The following GRM1 variants were observed in gnomAD, a reference collection of about 807,000 sequenced individuals.
GRM1 encodes the protein metabotropic glutamate receptor 1.
GRM1 carries 33 observed loss-of-function variants against 90.9 expected under a neutral mutation model. That is an observed-to-expected ratio of 0.36 (90% CI 0.28 to 0.49). GRM1 has a LOEUF of 0.49. Ranked by LOEUF, GRM1 falls within the 20% of genes least tolerant of loss-of-function variation. The pLI is 0.99. For synonymous variants in GRM1, 700 were observed against 613.2 expected (o/e 1.14, Z -2.09); for missense variants, 1,190 against 1,534.3 (o/e 0.78, Z 3.75).
intron 1 of GRM1, among the ~76,000 whole-genome samples, chr6:146,127,362 C>G (rs753248021): frequency 2.6e-5 from 4 of 152,012 alleles, no homozygotes; most frequent in Non-Finnish European, 5.9e-5. Flanking sequence ...TCAGAAAAGG[C>G]AGTATAAGCT....
At chr6:146,320,918 ACCTC>A (rs1208107464) in intron 3 of GRM1, among the ~76,000 whole-genome samples, 2 of 148,532 alleles carry the variant, frequency 1.3e-5, no homozygotes, top group Non-Finnish European at 1.5e-5. Context: ...TCAAAAAAGC[ACCTC>A]CTGAATTCAC....
chr6:146,313,555 T>C (rs1243978996), intron 3 of GRM1, among the ~76,000 whole-genome samples: 1 of 152,226 alleles, frequency 6.6e-6, no homozygotes, highest in East Asian at 1.9e-4. Context: ...TCACGCCTTG[T>C]ATACATTTGC....
At chr6:146,192,930 G>C (rs1403063756) in intron 2 of GRM1, among the ~76,000 whole-genome samples, 1 of 152,078 alleles carries the variant, frequency 6.6e-6, no homozygotes, top group Non-Finnish European at 1.5e-5. Flanking sequence ...TGAGGAAGAT[G>C]ACCGGCATAG....
At chr6:146,402,533 G>A (rs979906886) in intron 7 of GRM1, among the ~76,000 whole-genome samples, 1 of 151,984 alleles carries the variant, frequency 6.6e-6, no homozygotes, top group African/African-American at 2.4e-5. Context: ...GAAGCAAAGG[G>A]GCTAAAAACT....
chr6:146,427,771 T>C (rs1778263639), intron 7 of GRM1, among the ~76,000 whole-genome samples: 1 of 152,228 alleles, frequency 6.6e-6, no homozygotes, highest in South Asian at 2.1e-4. Flanking sequence ...CTACTGTGGC[T>C]GGATGAATTC....
At chr6:146,249,219 C>T (rs986682329) in intron 2 of GRM1, among the ~76,000 whole-genome samples, 3 of 152,160 alleles carry the variant, frequency 2.0e-5, no homozygotes, top group South Asian at 2.1e-4. Flanking sequence ...CAGAAATATT[C>T]CTAAGTAATG....
intron 1 of GRM1, among the ~76,000 whole-genome samples, chr6:146,050,460 A>G (rs909461035): frequency 5.3e-5 from 8 of 152,070 alleles, no homozygotes; most frequent in Non-Finnish European, 1.5e-5. Context: ...CAAACACAGT[A>G]ACTCCTGGAA....
intron 2 of GRM1, among the ~76,000 whole-genome samples, chr6:146,247,779 GGTGTGT>G (rs370078805): frequency 3.0e-4 from 41 of 137,060 alleles, no homozygotes; most frequent in East Asian, 1.2e-3. Flanking sequence ...AAATGTGTGT[GGTGTGT>G]GTGTGTGTGT....
intron 2 of GRM1, among the ~76,000 whole-genome samples, chr6:146,259,359 A>T (rs1447923900): frequency 6.6e-6 from 1 of 152,202 alleles, no homozygotes; most frequent in Non-Finnish European, 1.5e-5. Flanking sequence ...ATTTAAGTGC[A>T]TTATATAGTA....
At position 146,323,511 on chromosome 6, in the gene GRM1, G is replaced by A. The variant is rs1393249490; in HGVS notation, c.1186+18665G>A. ...TATTAGCCCTTTGTCAGATGAGTAGGTTGCAAAAATTTTCTCCCATTCTGT... is the reference window on the plus strand; with the variant it reads ...TATTAGCCCTTTGTCAGATGAGTAGATTGCAAAAATTTTCTCCCATTCTGT... On this transcript the variant is annotated intron_variant, in intron 3 of 7. Transcript: ENST00000282753. Among the ~76,000 whole-genome samples the A allele has an allele frequency of 3.3e-5, 5 of 152,106 alleles. No homozygotes were observed. In the East Asian group the frequency reaches 9.7e-4, roughly 29 times the overall value.
chr6:146,058,288 T>C (rs1422871620), intron 1 of GRM1, among the ~76,000 whole-genome samples: 1 of 152,142 alleles, frequency 6.6e-6, no homozygotes, highest in African/African-American at 2.4e-5. Flanking sequence ...TGTTTTGGAT[T>C]CAGTCCTAGA....
chr6:146,313,273 T>A (rs904855578), intron 3 of GRM1, among the ~76,000 whole-genome samples: 1 of 152,252 alleles, frequency 6.6e-6, no homozygotes, highest in Non-Finnish European at 1.5e-5. Context: ...AGAATTTGGT[T>A]ATAACTATTA....
At position 146,398,722 on chromosome 6, in the gene GRM1, C is replaced by G. The variant is rs540882273; in HGVS notation, c.1730-47C>G. ...GTAATTAATAGGCAAGTTGTTATTC[C>G]TAGCAGAAACCTTGGATTCATGCTC... On this transcript the variant is annotated intron_variant, in intron 6 of 7. Coordinates refer to ENST00000282753, the MANE Select transcript of GRM1 (RefSeq NM_001278064.2). 17 of 1,292,010 alleles carry G rather than the reference C, an allele frequency of 1.3e-5. No homozygotes were observed. The East Asian group carries it at 3.7e-4, about 28-fold the overall frequency. 80.0% of individuals were successfully genotyped at this position (1,292,010 alleles called of 1,614,324 possible). A position where few individuals can be genotyped will look rare whatever the true frequency, so the allele number is the denominator to read the frequency against.
intron 1 of GRM1, among the ~76,000 whole-genome samples, chr6:146,065,901 T>G (rs1775829231): frequency 6.6e-6 from 1 of 151,758 alleles, no homozygotes; most frequent in South Asian, 2.1e-4. Flanking sequence ...TTGTATAAGT[T>G]CAGAATAGGA....
At chr6:146,164,092 A>G (rs1430205588) in intron 2 of GRM1, among the ~76,000 whole-genome samples, 2 of 151,424 alleles carry the variant, frequency 1.3e-5, no homozygotes, top group East Asian at 3.9e-4. Flanking sequence ...ATTTTTTTTT[A>G]TCTGAAGAAA....
At chr6:146,420,947 A>G (rs1205039172) in intron 7 of GRM1, among the ~76,000 whole-genome samples, 1 of 152,182 alleles carries the variant, frequency 6.6e-6, no homozygotes, top group Non-Finnish European at 1.5e-5. Flanking sequence ...AGACCACCAG[A>G]GGAAAGACTG....
intron 2 of GRM1, among the ~76,000 whole-genome samples, chr6:146,236,863 G>A (rs1453165550): frequency 1.3e-5 from 2 of 152,052 alleles, no homozygotes; most frequent in South Asian, 2.1e-4. Context: ...TTTTCACCCT[G>A]CCCCCAGTCA....
At chr6:146,195,430 T>A (rs1248587371) in intron 2 of GRM1, among the ~76,000 whole-genome samples, 1 of 152,164 alleles carries the variant, frequency 6.6e-6, no homozygotes, top group Non-Finnish European at 1.5e-5. Context: ...GCTCTACTGA[T>A]GGGTGAGATT....
In GRM1 at chr6:146,357,652, G is replaced by C. The variant is rs989543701; in HGVS notation, c.1560G>C (p.Val520=). 9.3e-6 allele frequency: 15 copies of C among 1,613,970 alleles called. No individual in the cohort carries two copies. The highest frequency in any genetic ancestry group is 6.7e-5 in the Admixed American group (4 of 59,994). ...YKIQMNKSGV[V]RSVCSEPCLK... ...TCCAGATGAACAAGAGTGGAGTGGT[G>C]CGGTCTGTGTGCAGTGAGCCTTGCT... Residue 520 remains valine (V), a synonymous_variant, in exon 5 of 8, where the codon GTG becomes GTC. Coordinates refer to ENST00000282753, the MANE Select transcript of GRM1 (RefSeq NM_001278064.2).
Sources: gnomAD v4.1 joint callset for allele counts (sites outside exome capture counted in the v4.1 genomes callset) on GRCh38, gnomAD v4.1.1 for gene constraint, MANE v1.5 for transcripts, NCBI Gene and HGNC (gene_info 2026-07-23, HGNC 2026-07-21) for gene names.